PALM2AKAP2: variants seen among roughly 807,000 people sequenced by gnomAD.
PALM2AKAP2 encodes the protein PALM2-AKAP2 fusion protein.
Under a neutral mutation model 71.5 loss-of-function variants are expected in PALM2AKAP2, and 37 were observed. That is an observed-to-expected ratio of 0.52 (90% CI 0.40 to 0.68). PALM2AKAP2 has a LOEUF of 0.68. Among genes scored for constraint, PALM2AKAP2 ranks in the 30% least tolerant of loss-of-function variants. The probability of loss-of-function intolerance (pLI) is 0.00; values close to 1 mark genes in which losing one functional copy is unlikely to be tolerated. For missense variants in PALM2AKAP2, 1,224 were observed against 1,191.8 expected, an observed-to-expected ratio of 1.03 and a Z score of -0.40; for synonymous variants, 468 against 478.8, an observed-to-expected ratio of 0.98 and a Z score of 0.29.
intron 3 of PALM2AKAP2, among the ~76,000 whole-genome samples, chr9:109,885,846 C>T (rs888107318): frequency 1.3e-5 from 2 of 152,198 alleles, no homozygotes; most frequent in Non-Finnish European, 2.9e-5. Context: ...GTCAGGAAAA[C>T]TGTGTGCTTT....
chr9:110,078,554 A>G (rs1363729012), intron 1 of PALM2AKAP2, among the ~76,000 whole-genome samples: 1 of 152,180 alleles, frequency 6.6e-6, no homozygotes, highest in Non-Finnish European at 1.5e-5. Context: ...TTAGCCCCAA[A>G]TGTAGGTTTA....
At chr9:109,752,026 T>C (rs898405079) in intron 1 of PALM2AKAP2, among the ~76,000 whole-genome samples, 21 of 152,182 alleles carry the variant, frequency 1.4e-4, no homozygotes, top group Non-Finnish European at 2.9e-4. Context: ...TTTGGCCTGA[T>C]TGGTCCTTTC....
chr9:109,670,922 GA>G (rs1369088757), intron 1 of PALM2AKAP2, among the ~76,000 whole-genome samples: 1 of 152,104 alleles, frequency 6.6e-6, no homozygotes, highest in Non-Finnish European at 1.5e-5. Context: ...GTCTTCTTTT[GA>G]AAAATGTCTG....
At chr9:110,052,640 G>A (rs557840920) in intron 1 of PALM2AKAP2, among the ~76,000 whole-genome samples, 1 of 152,320 alleles carries the variant, frequency 6.6e-6, no homozygotes, top group South Asian at 2.1e-4. Context: ...CATAACACCT[G>A]ATATTTAAAT....
exon 2 of PALM2AKAP2, chr9:110,138,138 A>G: frequency 6.2e-7 from 1 of 1,613,940 alleles, no homozygotes; most frequent in Non-Finnish European, 8.5e-7. Flanking sequence ...TCTCCTGTTC[A>G]AGAGAAAAGG....
At chr9:109,805,235 G>T (rs1389229814) in intron 1 of PALM2AKAP2, among the ~76,000 whole-genome samples, 3 of 152,174 alleles carry the variant, frequency 2.0e-5, no homozygotes, top group Non-Finnish European at 4.4e-5. Context: ...AGTGATGGTG[G>T]CTGCAAGCCA....
chr9:109,957,254 C>T (rs80008101), intron 6 of PALM2AKAP2, among the ~76,000 whole-genome samples: 150 of 152,206 alleles, frequency 9.9e-4, no homozygotes, highest in African/African-American at 3.3e-3. Context: ...AGCAAAGTTA[C>T]GTGGCCAGAT....
At chr9:110,121,187 T>G (rs1187571146) in intron 1 of PALM2AKAP2, among the ~76,000 whole-genome samples, 1 of 152,198 alleles carries the variant, frequency 6.6e-6, no homozygotes, top group Non-Finnish European at 1.5e-5. Flanking sequence ...TTCCCACACT[T>G]TACTCCAATC....
At chr9:109,652,178 T>G (rs977338156) in intron 1 of PALM2AKAP2, among the ~76,000 whole-genome samples, 1 of 152,214 alleles carries the variant, frequency 6.6e-6, no homozygotes, top group African/African-American at 2.4e-5. Flanking sequence ...CACTGACTTT[T>G]ATATAGTATT....
At chr9:110,109,917 T>C (rs1835207706) in intron 1 of PALM2AKAP2, among the ~76,000 whole-genome samples, 1 of 152,100 alleles carries the variant, frequency 6.6e-6, no homozygotes, top group Admixed American at 6.5e-5. Context: ...GAGATCAGTA[T>C]GTTGGAGAGA....
chr9:110,049,243 C>A (rs1215196672), intron 1 of PALM2AKAP2, among the ~76,000 whole-genome samples: 2 of 152,230 alleles, frequency 1.3e-5, no homozygotes, highest in Non-Finnish European at 2.9e-5. Context: ...GCATCTCCTG[C>A]CCCGGGAGCA....
rs138529383 is a variant in PALM2AKAP2, at chr9:109,715,052, C to A, written c.6-65436C>A. ...GCTTTGTGGAGAATAAGCCCTGCAACAGCATCCAAAGTCAGTTGGACTCTG... is the reference window on the plus strand; with the variant it reads ...GCTTTGTGGAGAATAAGCCCTGCAAAAGCATCCAAAGTCAGTTGGACTCTG... On this transcript the variant is annotated intron_variant, in intron 1 of 6. Coordinates refer to the PALM2AKAP2 transcript ENST00000374531. 1.8e-3 allele frequency among the ~76,000 whole-genome samples: 274 copies of A among 152,340 alleles called. 2 individuals carry two copies. Among genetic ancestry groups the A allele is most frequent in the African/African-American group, 6.2e-3 (257 of 41,582 alleles).
intron 6 of PALM2AKAP2, among the ~76,000 whole-genome samples, chr9:109,964,196 A>G (rs56361552): frequency 0.043 from 6,564 of 152,374 alleles, 285 homozygotes; most frequent in East Asian, 0.17. Flanking sequence ...AATGTTCGGC[A>G]TAGGCCTGGC....
chr9:109,680,514 G>T (rs112397772), intron 1 of PALM2AKAP2, among the ~76,000 whole-genome samples: 8,437 of 152,272 alleles, frequency 0.055, 312 homozygotes, highest in Middle Eastern at 0.13. Flanking sequence ...CTGTGCCATG[G>T]ATCTCTTTGG....
chr9:109,982,544 G>T (rs1028529868), intron 6 of PALM2AKAP2, among the ~76,000 whole-genome samples: 1 of 152,072 alleles, frequency 6.6e-6, no homozygotes, highest in Non-Finnish European at 1.5e-5. Flanking sequence ...TGATTATTTC[G>T]CATCGTATGC....
intron 1 of PALM2AKAP2, among the ~76,000 whole-genome samples, chr9:109,715,149 T>C (rs1474146949): frequency 6.6e-6 from 1 of 152,228 alleles, no homozygotes; most frequent in African/African-American, 2.4e-5. Context: ...TGCTGTCAAA[T>C]ACTTTCTCGG....
chr9:110,140,968 G>T (rs1194097197), intron 2 of PALM2AKAP2, among the ~76,000 whole-genome samples: 1 of 152,086 alleles, frequency 6.6e-6, no homozygotes, highest in Non-Finnish European at 1.5e-5. Context: ...AATGAATAAT[G>T]GGGGGGCGGG....
chr9:109,799,769 A>G (rs1270265435), intron 1 of PALM2AKAP2, among the ~76,000 whole-genome samples: 1 of 152,166 alleles, frequency 6.6e-6, no homozygotes, highest in South Asian at 2.1e-4. Flanking sequence ...TGTTGGGATT[A>G]CAGGCATGAA....
rs530704670 is a variant in PALM2AKAP2, at chr9:109,665,871, G to C, written c.5+25005G>C. 5.3e-5 allele frequency among the ~76,000 whole-genome samples: 8 copies of C among 152,324 alleles called. No individual in the cohort carries two copies. The South Asian group carries it at 1.7e-3, about 32-fold the overall frequency. The stretch of plus-strand genomic sequence containing the variant: ...CCAGTTCGAGCTTCCCTGCTGCTTT[G>C]TTTACCTACTCAAGCCTCAGCAATG... On this transcript the variant is annotated intron_variant, in intron 1 of 6. Coordinates refer to the PALM2AKAP2 transcript ENST00000374531.
Sources: gnomAD v4.1 joint callset for allele counts (sites outside exome capture counted in the v4.1 genomes callset) on GRCh38, gnomAD v4.1.1 for gene constraint, MANE v1.5 for transcripts, NCBI Gene and HGNC (gene_info 2026-07-23, HGNC 2026-07-21) for gene names.